Variants in RUFY4 observed in about 807,000 individuals in gnomAD.
The protein encoded by RUFY4 is RUN and FYVE domain-containing protein 4.
In RUFY4, 73 loss-of-function variants were observed where a neutral mutation model predicts 69.0. The ratio of observed to expected loss-of-function variants is 1.06; its 90% CI spans 0.88 to 1.29. The LOEUF is 1.29. Ranked by LOEUF, RUFY4 falls within the 50% of genes most tolerant of loss-of-function variation. The probability of loss-of-function intolerance (pLI) is 0.00; values close to 1 mark genes in which losing one functional copy is unlikely to be tolerated. For missense variants in RUFY4, 770 were observed against 705.6 expected (o/e 1.09, Z -1.03); for synonymous variants, 287 against 271.8 (o/e 1.06, Z -0.55).
exon 11 of RUFY4, chr2:218,090,047 T>G: frequency 1.3e-6 from 2 of 1,541,138 alleles, no homozygotes; most frequent in Non-Finnish European, 1.8e-6. Context: ...GAAGCCCAGG[T>G]CACCTGACCA....
intron 8 of RUFY4, among the ~76,000 whole-genome samples, chr2:218,082,659 GTGTC>G (rs1359918835): frequency 7.2e-5 from 11 of 151,956 alleles, no homozygotes; most frequent in Non-Finnish European, 1.2e-4. Flanking sequence ...GTTGTGTTGT[GTGTC>G]TGCATTATGG....
intron 2 of RUFY4, among the ~76,000 whole-genome samples, chr2:218,047,319 A>G (rs367922532): frequency 1.2e-4 from 19 of 152,270 alleles, no homozygotes; most frequent in African/African-American, 3.1e-4. Flanking sequence ...TTAACTTACA[A>G]GTAAAATCTA....
intron 1 of RUFY4, chr2:218,035,313 A>G (rs1357702017): frequency 6.6e-6 from 1 of 151,992 alleles, no homozygotes; most frequent in Non-Finnish European, 1.5e-5. Context: ...TGGATTTCAC[A>G]CAGGATCTGG....
At chr2:218,076,627 TC>T in intron 8 of RUFY4, 94 bp downstream of exon 10, 1 of 1,505,084 alleles carries the variant, frequency 6.6e-7, no homozygotes, top group Admixed American at 2.4e-5. Flanking sequence ...TGTGAGAACC[TC>T]CCATGCACCA....
chr2:218,072,325 T>A, intron 2 of RUFY4, 49 bp from the exon 5 acceptor site: 2 of 1,530,972 alleles, frequency 1.3e-6, no homozygotes, highest in Non-Finnish European at 1.7e-6. Context: ...GCAGGGCGTG[T>A]TCTGGGAGGA....
intron 9 of RUFY4, among the ~76,000 whole-genome samples, chr2:218,087,365 G>C (rs1247442206): frequency 6.6e-6 from 1 of 152,140 alleles, no homozygotes; most frequent in African/African-American, 2.4e-5. Flanking sequence ...ATGTGGGGTA[G>C]TGGCTACCAT....
intron 6 of RUFY4, 190 bp downstream of exon 8, chr2:218,074,075 T>G (rs1689563086): frequency 3.1e-6 from 2 of 635,402 alleles, no homozygotes; most frequent in Non-Finnish European, 2.8e-6. Context: ...CTCCTATTCC[T>G]GGGGTGGCGG....
intron 9 of RUFY4, among the ~76,000 whole-genome samples, chr2:218,085,595 G>A (rs1183539954): frequency 6.6e-6 from 1 of 152,180 alleles, no homozygotes; most frequent in Non-Finnish European, 1.5e-5. Flanking sequence ...TTTTTTGTAG[G>A]ATCCAGAGAT....
At chr2:218,072,059 G>A (rs1302887101) in intron 2 of RUFY4, among the ~76,000 whole-genome samples, 1 of 151,472 alleles carries the variant, frequency 6.6e-6, no homozygotes, top group Non-Finnish European at 1.5e-5. Flanking sequence ...TGTGGATCAA[G>A]ATGTAAGTAT....
At chr2:218,063,793 G>T (rs1689256385) in intron 3 of RUFY4, among the ~76,000 whole-genome samples, 1 of 152,156 alleles carries the variant, frequency 6.6e-6, no homozygotes, top group Admixed American at 6.5e-5. Flanking sequence ...TGCAAGTGCT[G>T]TATTAGACAA....
intron 9 of RUFY4, among the ~76,000 whole-genome samples, chr2:218,084,943 G>A (rs921312359): frequency 3.9e-5 from 6 of 152,168 alleles, no homozygotes; most frequent in Non-Finnish European, 5.9e-5. Flanking sequence ...AGCTATTCAA[G>A]AGGCTGAGGC....
In RUFY4 at chr2:218,037,048, G is replaced by A. The variant is rs939887668; in HGVS notation, c.-1158+1654G>A. Reference sequence around the variant, plus strand: ...AGATAATAAACTGAGGCTGGGTGCAGTGGCTCAAGCCTGTAATCCCAGCAC... The same window carrying A: ...AGATAATAAACTGAGGCTGGGTGCAATGGCTCAAGCCTGTAATCCCAGCAC... On this transcript the variant is annotated intron_variant and NMD_transcript_variant, in intron 2 of 13. Coordinates refer to the RUFY4 transcript ENST00000457754. Among the ~76,000 whole-genome samples the A allele has an allele frequency of 3.5e-4, 54 of 152,234 alleles. 1 individual carries two copies. The highest frequency in any genetic ancestry group is 1.5e-4 in the Non-Finnish European group (10 of 68,044).
intron 2 of RUFY4, among the ~76,000 whole-genome samples, chr2:218,044,214 A>G (rs1688772673): frequency 6.6e-6 from 1 of 152,174 alleles, no homozygotes; most frequent in Admixed American, 6.5e-5. Flanking sequence ...ATGGAGCAGA[A>G]GGCCCAGGCT....
At position 218,075,090 on chromosome 2, in the gene RUFY4, C is replaced by A; in HGVS notation, c.601-3C>A. ...GATGACTGGTTTTGGGTCCTCTCCA[C>A]AGATCCCAGCCGCATATGGAGGGCC... On this transcript the variant is annotated splice_polypyrimidine_tract_variant and splice_region_variant and intron_variant, in intron 6 of 10. Transcript: ENST00000344321. 6.6e-7 allele frequency: 1 copy of A among 1,513,674 alleles called. No individual in the cohort carries two copies. The highest frequency in any genetic ancestry group is 1.3e-5 in the South Asian group (1 of 77,632). 93.8% of individuals were successfully genotyped at this position (1,513,674 alleles called of 1,614,324 possible).
At chr2:218,072,348 C>T (rs1689508255) in intron 2 of RUFY4, 26 bp from the exon 5 acceptor site, 3 of 1,536,538 alleles carry the variant, frequency 2.0e-6, no homozygotes, top group Non-Finnish European at 8.7e-7. Context: ...CATTTCTACA[C>T]TTTCTTTGCC....
At chr2:218,085,659 C>T (rs898725056) in intron 9 of RUFY4, among the ~76,000 whole-genome samples, 1 of 152,172 alleles carries the variant, frequency 6.6e-6, no homozygotes, top group Non-Finnish European at 1.5e-5. Context: ...TTAGAAAGAG[C>T]AATCCATACC....
At chr2:218,072,486 G>T (rs189254591) in exon 3 of RUFY4, 104 of 1,537,002 alleles carry the variant, frequency 6.8e-5, no homozygotes, top group Non-Finnish European at 9.0e-5. Context: ...CACTTTGTCC[G>T]TTCCCAGGAC....
At position 218,071,106 on chromosome 2, in the gene RUFY4, C is replaced by T. The variant is rs113823049; in HGVS notation, c.153+247C>T. On this transcript the variant is annotated intron_variant, in intron 2 of 10. Coordinates refer to ENST00000344321, the Ensembl canonical transcript of RUFY4. ...GGGACCCAGACCTGGGGGCAACCCC[C>T]ACTGCTTAAACTTTCAGAGGCATTG... is the stretch of plus-strand genomic sequence containing the variant. Among the ~76,000 whole-genome samples the T allele has an allele frequency of 4.3e-3, 650 of 152,316 alleles. 3 individuals are homozygous for T. Among genetic ancestry groups the T allele is most frequent in the African/African-American group, 0.013 (559 of 41,566 alleles).
intron 4 of RUFY4, 95 bp from the exon 7 acceptor site, chr2:218,073,148 T>A: frequency 6.9e-7 from 1 of 1,444,526 alleles, no homozygotes; most frequent in Non-Finnish European, 9.2e-7. Flanking sequence ...TAGTGGAGGC[T>A]GCTTTGTTGA....
Sources: gnomAD v4.1 joint callset for allele counts (sites outside exome capture counted in the v4.1 genomes callset) on GRCh38, gnomAD v4.1.1 for gene constraint, MANE v1.5 for transcripts, NCBI Gene and HGNC (gene_info 2026-07-23, HGNC 2026-07-21) for gene names.